PSG7: variants seen among roughly 807,000 people sequenced by gnomAD.
PSG7 encodes pregnancy specific beta-1-glycoprotein 7.
Under a neutral mutation model 45.6 loss-of-function variants are expected in PSG7, and 57 were observed. That is an observed-to-expected ratio of 1.25 (90% CI 1.01 to 1.56). PSG7 has a LOEUF of 1.56. Ranked by LOEUF, PSG7 falls within the 40% of genes most tolerant of loss-of-function variation. The probability of loss-of-function intolerance (pLI) is 0.00; values close to 1 mark genes in which losing one functional copy is unlikely to be tolerated. For synonymous variants in PSG7, 298 were observed against 194.4 expected, an observed-to-expected ratio of 1.53 and a Z score of -4.43; for missense variants, 796 against 508.4, an observed-to-expected ratio of 1.57 and a Z score of -5.44.
chr19:42,926,021 G>A lies in PSG7; in HGVS notation c.995C>T (p.Pro332Leu), dbSNP rs755963234. The A allele has an allele frequency of 6.2e-7, 1 of 1,611,478 alleles. No homozygotes were observed. Among genetic ancestry groups the A allele is most frequent in the African/African-American group, 1.3e-5 (1 of 74,594 alleles). ...DPVTLNVLYG[P>L]DLPRIYPSFT... ...TGAAGGGTAAATTCTGGGGAGGTCT[G>A]GACCATCTGGAGGAAAGAGAATAAA... Residue 332 changes from proline (P) to leucine (L), a missense_variant, in exon 5 of 6, where the codon CCA becomes CTA. Physicochemically the swap from Pro to Leu is moderately conservative, Grantham distance 98. Coordinates refer to ENST00000406070, the MANE Select transcript of PSG7 (RefSeq NM_002783.3).
At chr19:42,932,865 G>A (rs901638283) in intron 2 of PSG7, among the ~76,000 whole-genome samples, 20 of 151,492 alleles carry the variant, frequency 1.3e-4, no homozygotes, top group African/African-American at 4.6e-4. Flanking sequence ...CTGCTCCAGT[G>A]TCATTTGGCA....
intron 1 of PSG7, chr19:42,936,323 G>T: frequency 6.2e-6 from 1 of 161,398 alleles, no homozygotes. Flanking sequence ...GGAACAGGCT[G>T]CAGACTCCTG....
At position 42,926,449 on chromosome 19, in the gene PSG7, A is replaced by C; in HGVS notation, c.977T>G (p.Leu326Arg). The change falls in exon 4 of 6, where the codon CTG becomes CGG. Residue 326 changes from leucine to arginine, a missense_variant. Physicochemically the swap from Leu to Arg is moderately radical, Grantham distance 102. Transcript: ENST00000406070. ...TCAAGGATACTCACAGAGGACATTC[A>C]GGGTGACTGGGTCACTGCGGATGCC... ...YGGIRSDPVT[L>R]NVLYGPDLPR... 1 of 1,611,710 alleles carries C rather than the reference A, an allele frequency of 6.2e-7. No homozygotes were observed. Among genetic ancestry groups the C allele is most frequent in the Non-Finnish European group, 8.5e-7 (1 of 1,178,962 alleles).
In PSG7 at chr19:42,927,932, T is replaced by C. The variant is rs1312308978; in HGVS notation, c.710-1216A>G. 2.0e-5 allele frequency among the ~76,000 whole-genome samples: 3 copies of C among 151,854 alleles called. No homozygotes were observed. In the East Asian group the frequency reaches 5.8e-4, roughly 29 times the overall value. ...GTTTTGCATTTCTTTCATTTTTTGA[T>C]TCTGAAATATTTGTCATATACTTAC... On this transcript the variant is annotated intron_variant, in intron 3 of 5. Coordinates refer to ENST00000406070, the MANE Select transcript of PSG7 (RefSeq NM_002783.3).
chr19:42,935,963 C>T (rs1485526470), intron 1 of PSG7, among the ~76,000 whole-genome samples, 194 bp from the exon 2 acceptor site: 2 of 150,390 alleles, frequency 1.3e-5, no homozygotes, highest in African/African-American at 4.9e-5. Context: ...CTGTGTGTGT[C>T]CTACTGTCCT....
chr19:42,924,638 G>A lies in PSG7; in HGVS notation c.*170C>T, dbSNP rs374006912. 1.3e-5 allele frequency: 9 copies of A among 704,634 alleles called. No individual in the cohort carries two copies. In the East Asian group the frequency reaches 2.0e-4, roughly 16 times the overall value. The allele number at this position is 704,634 out of a possible 1,614,324, so 43.6% of individuals were successfully genotyped here. ...TACAGTTTGAGCAGCTGTTGTTATG[G>A]TGTTGAACATTTTGGTGAGTTCTGA... On this transcript the variant is annotated 3_prime_UTR_variant, in exon 6 of 6. Transcript: ENST00000406070.
At position 42,929,655 on chromosome 19, in the gene PSG7, T is replaced by C. The variant is rs373670376; in HGVS notation, c.496A>G (p.Ile166Val). The change falls in exon 3 of 6, where the codon ATT becomes GTT. Residue 166 changes from isoleucine (I) to valine (V), a missense_variant. Coordinates refer to ENST00000406070, the MANE Select transcript of PSG7 (RefSeq NM_002783.3). ...FNPREATEAV[I>V]LTCDPETPDA... ...GGAGTCTCAGGATCACAGGTTAAAATCACAGCCTCCGTGGCCTCCCTGGGG... is the reference window on the plus strand; with the variant it reads ...GGAGTCTCAGGATCACAGGTTAAAACCACAGCCTCCGTGGCCTCCCTGGGG... 12 of 1,612,342 alleles carry C rather than the reference T, an allele frequency of 7.4e-6. 1 individual carries two copies. The highest frequency in any genetic ancestry group is 1.0e-5 in the Non-Finnish European group (12 of 1,179,206).
Position 42,928,992 on chromosome 19 carries a change from T to C in PSG7, c.709+450A>G, listed in dbSNP as rs1361306402. On this transcript the variant is annotated intron_variant, in intron 3 of 5. Transcript: ENST00000406070. ...AGGCAGGGGAGCTTGGGGACTTCTC[T>C]TGTATGGTAATAGGTGTATGAGGAA... Among the ~76,000 whole-genome samples the C allele has an allele frequency of 5.9e-5, 9 of 151,446 alleles. 1 individual carries two copies. The highest frequency in any genetic ancestry group is 2.2e-4 in the African/African-American group (9 of 41,180).
chr19:42,935,897 C>T, intron 1 of PSG7, 128 bp from the exon 2 acceptor site: 3 of 1,249,390 alleles, frequency 2.4e-6, no homozygotes, highest in Non-Finnish European at 3.3e-6. Flanking sequence ...CACACACACA[C>T]ACACACACAC....
intron 1 of PSG7, among the ~76,000 whole-genome samples, chr19:42,936,002 C>T (rs1402330389): frequency 6.6e-6 from 1 of 151,078 alleles, no homozygotes; most frequent in Non-Finnish European, 1.5e-5. Flanking sequence ...GCATGACCCC[C>T]ATTCCTTCAA....
chr19:42,932,863 G>A (rs1272385086), intron 2 of PSG7, among the ~76,000 whole-genome samples: 1 of 151,424 alleles, frequency 6.6e-6, no homozygotes, highest in African/African-American at 2.4e-5. Context: ...GACTGCTCCA[G>A]TGTCATTTGG....
In PSG7 at chr19:42,929,676, T is replaced by C; in HGVS notation, c.475A>G (p.Arg159Gly). ...PSISSSNFNPREATEAVILTC... is the reference protein window; with the variant it reads ...PSISSSNFNPGEATEAVILTC... ...AAAATCACAGCCTCCGTGGCCTCCCTGGGGTTGAAATTGCTGCTGGAGATG... is the reference window on the plus strand; with the variant it reads ...AAAATCACAGCCTCCGTGGCCTCCCCGGGGTTGAAATTGCTGCTGGAGATG... The change falls in exon 3 of 6, where the codon AGG becomes GGG. Residue 159 changes from arginine to glycine, a missense_variant. Physicochemically the swap from Arg to Gly is moderately radical, Grantham distance 125. Coordinates refer to ENST00000406070, the MANE Select transcript of PSG7 (RefSeq NM_002783.3). 1 of 1,612,356 alleles carries C rather than the reference T, an allele frequency of 6.2e-7. No individual in the cohort carries two copies. The highest frequency in any genetic ancestry group is 1.1e-5 in the South Asian group (1 of 90,830).
intron 2 of PSG7, among the ~76,000 whole-genome samples, chr19:42,933,295 A>ATTTTTTT (rs1168854490): frequency 8.4e-5 from 1 of 11,900 alleles, no homozygotes; most frequent in African/African-American, 2.4e-4. Flanking sequence ...ATATATATAT[A>ATTTTTTT]TATATATATA....
chr19:42,930,084 C>G (rs574541465), intron 2 of PSG7, among the ~76,000 whole-genome samples: 1 of 151,672 alleles, frequency 6.6e-6, no homozygotes, highest in African/African-American at 2.4e-5. Flanking sequence ...CTGGAATCTT[C>G]TTAGTTTCAA....
At chr19:42,933,285 ATATATATATATATATATATATATT>A (rs1468797745) in intron 2 of PSG7, among the ~76,000 whole-genome samples, 6 of 8,226 alleles carry the variant, frequency 7.3e-4, no homozygotes, top group South Asian at 5.3e-3. Context: ...ATATATATAT[ATATATATATATATATATATATATT>A]TTTTTTTTTT....
rs1457908932 is a variant in PSG7 at position 42,935,831 on chromosome 19, C to G, written c.65-62G>C. 8.4e-5 allele frequency: 129 copies of G among 1,542,194 alleles called. 4 individuals carry two copies. The highest frequency in any genetic ancestry group is 6.4e-4 in the African/African-American group (46 of 71,612). ...CTATGTGTTGGGTTGAAAAGATGGG[C>G]CCCTGGGTCCTGAGAAGGTCTCTTC... On this transcript the variant is annotated intron_variant, in intron 1 of 5. Coordinates refer to ENST00000406070, the MANE Select transcript of PSG7 (RefSeq NM_002783.3).
At position 42,925,969 on chromosome 19, in the gene PSG7, G is replaced by A. The variant is rs372334153; in HGVS notation, c.1047C>T (p.Asn349=). The change falls in exon 5 of 6, where the codon AAC becomes AAT. Residue 349 remains asparagine (N), a synonymous_variant. Coordinates refer to ENST00000406070, the MANE Select transcript of PSG7 (RefSeq NM_002783.3). ...PSFTYYHSGQ[N]LYLSCFADSN... is the part of the protein sequence containing the mutation. Reference sequence around the variant, plus strand: ...AGTCCGCAAAGCAGGACAAGTAGAGGTTTTGTCCTGAATGGTAATAGGTGA... The same window carrying A: ...AGTCCGCAAAGCAGGACAAGTAGAGATTTTGTCCTGAATGGTAATAGGTGA... 6 of 1,611,998 alleles carry A rather than the reference G, an allele frequency of 3.7e-6. No individual in the cohort carries two copies. The highest frequency in any genetic ancestry group is 5.1e-6 in the Non-Finnish European group (6 of 1,179,080).
chr19:42,929,049 C>T lies in PSG7; in HGVS notation c.709+393G>A, dbSNP rs926176568. 4 of 263,836 alleles carry T rather than the reference C, an allele frequency of 1.5e-5. 1 individual carries two copies. The South Asian group carries it at 3.1e-4, about 20-fold the overall frequency. The allele number at this position is 263,836 out of a possible 1,614,324, so 16.3% of individuals were successfully genotyped here. The stretch of plus-strand genomic sequence containing the variant: ...GTGGGGGCATCCAGGCCATGTGGAG[C>T]AAAGAGAATAATGTCACAGGTGATA... On this transcript the variant is annotated intron_variant, in intron 3 of 5. Coordinates refer to ENST00000406070, the MANE Select transcript of PSG7 (RefSeq NM_002783.3).
In PSG7 at chr19:42,927,075, GC is replaced by G. The variant is rs1258356540; in HGVS notation, c.710-360del. 5.2e-5 allele frequency: 17 copies of G among 323,992 alleles called. No individual in the cohort carries two copies. The Admixed American group carries it at 7.5e-4, about 14-fold the overall frequency. 20.1% of individuals were successfully genotyped at this position (323,992 alleles called of 1,614,324 possible). On this transcript the variant is annotated intron_variant, in intron 3 of 5. Transcript: ENST00000406070. Reference sequence around the variant, plus strand: ...ATTACCTGGAATGTGCAACTGCTGGGCCCTTTCCAAATTGCATCCTACTTTG... The same window carrying G: ...ATTACCTGGAATGTGCAACTGCTGGGCCTTTCCAAATTGCATCCTACTTTG...
Sources: allele counts gnomAD v4.1 joint callset (sites outside exome capture counted in the v4.1 genomes callset), GRCh38; gene constraint gnomAD v4.1.1; transcripts MANE v1.5; gene names NCBI Gene and HGNC (gene_info 2026-07-23, HGNC 2026-07-21).